PRSS38: variants seen among roughly 807,000 people sequenced by gnomAD.
The protein encoded by PRSS38 is serine protease 38, also known as marapsin 2.
Under a neutral mutation model 26.8 loss-of-function variants are expected in PRSS38, and 22 were observed. That is an observed-to-expected ratio of 0.82 (90% confidence interval 0.59 to 1.17). PRSS38 has a LOEUF of 1.17. Ranked by LOEUF, PRSS38 falls within the 50% of genes most tolerant of loss-of-function variation. The pLI is 0.00. For missense variants in PRSS38, 427 were observed against 422.7 expected, an observed-to-expected ratio of 1.01 and a Z score of -0.09; for synonymous variants, 175 against 172.1, an observed-to-expected ratio of 1.02 and a Z score of -0.13.
intron 3 of PRSS38, among the ~76,000 whole-genome samples, chr1:227,843,120 A>T (rs2102686253): frequency 6.6e-6 from 1 of 152,296 alleles, no homozygotes; most frequent in African/African-American, 2.4e-5. Context: ...AGACATGTGT[A>T]GCCTTCTCTT....
intron 3 of PRSS38, among the ~76,000 whole-genome samples, chr1:227,843,748 AGT>A (rs1558238484): frequency 1.4e-5 from 2 of 142,360 alleles, no homozygotes; most frequent in East Asian, 4.3e-4. Flanking sequence ...AACCAAGCAC[AGT>A]GGCTCAGGCC....
At chr1:227,841,076 G>T (rs12565466) in intron 3 of PRSS38, among the ~76,000 whole-genome samples, 2,012 of 152,342 alleles carry the variant, frequency 0.013, 33 homozygotes, top group South Asian at 0.054. Context: ...TATAAAGAGT[G>T]AGCAGGCCTG....
At chr1:227,840,310 TG>T (rs1031800223) in intron 3 of PRSS38, among the ~76,000 whole-genome samples, 1 of 151,962 alleles carries the variant, frequency 6.6e-6, no homozygotes, top group Non-Finnish European at 1.5e-5. Context: ...TTTGTAGAGA[TG>T]GGGGTCTCAC....
At chr1:227,843,100 C>A (rs894228458) in intron 3 of PRSS38, among the ~76,000 whole-genome samples, 13 of 152,114 alleles carry the variant, frequency 8.5e-5, no homozygotes, top group African/African-American at 2.9e-4. Context: ...ATAGCCTTGC[C>A]CTTTCTATGA....
In PRSS38 at chr1:227,836,823, A is replaced by G. The variant is rs186312740; in HGVS notation, c.584-8647A>G. Among the ~76,000 whole-genome samples, 181 of 152,324 alleles carry G rather than the reference A, an allele frequency of 1.2e-3. 2 individuals carry two copies. The highest frequency in any genetic ancestry group is 3.7e-3 in the African/African-American group (155 of 41,570). Reference sequence around the variant, plus strand: ...TTGTTTACAAACTCTAAAATCCACAAATATTGTGTACAGCTGAATTATGTT... The same window carrying G: ...TTGTTTACAAACTCTAAAATCCACAGATATTGTGTACAGCTGAATTATGTT... On this transcript the variant is annotated intron_variant, in intron 3 of 4. Coordinates refer to ENST00000366757, the Ensembl canonical transcript of PRSS38.
intron 1 of PRSS38, 52 bp downstream of exon 1, chr1:227,815,916 C>A: frequency 1.3e-6 from 2 of 1,551,944 alleles, no homozygotes; most frequent in Non-Finnish European, 1.8e-6. Flanking sequence ...GCCCTTGGGG[C>A]GTCTGTCGGT....
At chr1:227,834,976 C>T (rs947538129) in intron 3 of PRSS38, among the ~76,000 whole-genome samples, 3 of 152,014 alleles carry the variant, frequency 2.0e-5, no homozygotes, top group Admixed American at 6.5e-5. Context: ...TAAAGAACTC[C>T]TACAACTCAA....
At chr1:227,840,439 G>GC (rs1665320684) in intron 3 of PRSS38, among the ~76,000 whole-genome samples, 4 of 152,026 alleles carry the variant, frequency 2.6e-5, no homozygotes. Context: ...TAAATGGTTG[G>GC]GGCGGAAAAG....
chr1:227,815,859 G>A, exon 1 of PRSS38: 1 of 1,605,064 alleles, frequency 6.2e-7, no homozygotes. Context: ...CTAACTGGCA[G>A]CGTGGGTAGG....
In PRSS38 at chr1:227,817,462, G is replaced by C. The variant is rs554689968; in HGVS notation, c.565G>C (p.Gly189Arg). ...TGCCAATTGCTGGGCTACGGGATGGGGACTAGTCTCAAAACAAGGTAGGAA... is the reference window on the plus strand; with the variant it reads ...TGCCAATTGCTGGGCTACGGGATGGCGACTAGTCTCAAAACAAGGTAGGAA... Residue 189 changes from glycine to arginine, a missense_variant, in exon 3 of 5, where the codon GGA (glycine) becomes CGA (arginine). Gly to Arg is a moderately radical substitution (Grantham distance 125). Transcript: ENST00000366757. 3.3e-4 allele frequency: 530 copies of C among 1,614,166 alleles called. 6 individuals carry two copies. In the South Asian group the frequency reaches 5.5e-3, roughly 17 times the overall value.
At chr1:227,817,743 T>C (rs1305686332) in intron 3 of PRSS38, among the ~76,000 whole-genome samples, 3 of 152,258 alleles carry the variant, frequency 2.0e-5, no homozygotes, top group Non-Finnish European at 4.4e-5. Flanking sequence ...AAAAGCAGTT[T>C]TCCTTAAGAT....
At chr1:227,846,369 C>A (rs1304843212) in exon 5 of PRSS38, 10 of 935,652 alleles carry the variant, frequency 1.1e-5, no homozygotes, top group Admixed American at 2.8e-5. Flanking sequence ...AGCAAGTGTA[C>A]AAAAGAAAAA....
intron 2 of PRSS38, among the ~76,000 whole-genome samples, 179 bp from the exon 3 acceptor site, chr1:227,817,030 C>T (rs1375069657): frequency 2.6e-5 from 4 of 152,198 alleles, no homozygotes; most frequent in Admixed American, 6.5e-5. Context: ...TGGGCCAAGT[C>T]GACTCTTTAG....
At chr1:227,840,723 C>T (rs771329911) in intron 3 of PRSS38, among the ~76,000 whole-genome samples, 2 of 152,122 alleles carry the variant, frequency 1.3e-5, no homozygotes, top group African/African-American at 4.8e-5. Context: ...TCTTCTCTTT[C>T]GAGTTTCTCT....
intron 1 of PRSS38, 91 bp from the exon 2 acceptor site, chr1:227,815,999 G>A: frequency 6.9e-7 from 1 of 1,449,358 alleles, no homozygotes; most frequent in Admixed American, 2.0e-5. Flanking sequence ...CCTTCCTCCT[G>A]TGTCCCCTGC....
intron 3 of PRSS38, among the ~76,000 whole-genome samples, chr1:227,831,885 T>C (rs973113364): frequency 6.6e-6 from 1 of 152,142 alleles, no homozygotes; most frequent in Non-Finnish European, 1.5e-5. Flanking sequence ...AAAAAAGCAG[T>C]TATTTAGAGT....
chr1:227,821,234 A>G (rs529300905), intron 3 of PRSS38, among the ~76,000 whole-genome samples: 1 of 151,560 alleles, frequency 6.6e-6, no homozygotes, highest in South Asian at 2.1e-4. Flanking sequence ...TTTTTTTTGC[A>G]CAATATTCCA....
intron 3 of PRSS38, among the ~76,000 whole-genome samples, chr1:227,838,770 G>A (rs1665274342): frequency 6.6e-6 from 1 of 152,298 alleles, no homozygotes; most frequent in African/African-American, 2.4e-5. Flanking sequence ...TTTCTTTGTA[G>A]TATTTCACCA....
At chr1:227,824,522 A>G (rs1212129844) in intron 3 of PRSS38, among the ~76,000 whole-genome samples, 1 of 152,110 alleles carries the variant, frequency 6.6e-6, no homozygotes, top group African/African-American at 2.4e-5. Flanking sequence ...TAGTGCTGCA[A>G]TGGACGTTTG....
Sources: allele counts gnomAD v4.1 joint callset (sites outside exome capture counted in the v4.1 genomes callset), GRCh38; gene constraint gnomAD v4.1.1; transcripts MANE v1.5; gene names NCBI Gene and HGNC (gene_info 2026-07-23, HGNC 2026-07-21).